The following GFPT1 variants were observed in gnomAD, a reference collection of about 807,000 sequenced individuals.
The protein encoded by GFPT1 is glutamine--fructose-6-phosphate aminotransferase [isomerizing] 1.
In GFPT1, 40 loss-of-function variants were observed where a neutral mutation model predicts 92.0. The observed-to-expected ratio is 0.43, with a 90% CI of 0.34 to 0.57. The LOEUF is 0.57. Ranked by LOEUF, GFPT1 falls within the 20% of genes least tolerant of loss-of-function variation. The probability of loss-of-function intolerance (pLI) is 0.02; values close to 1 mark genes in which losing one functional copy is unlikely to be tolerated. For missense variants in GFPT1, 448 were observed against 869.1 expected (o/e 0.52, Z 6.09); for synonymous variants, 269 against 280.6 (o/e 0.96, Z 0.41).
At chr2:69,375,032 T>C (rs772169299) in intron 1 of GFPT1, among the ~76,000 whole-genome samples, 38 of 151,936 alleles carry the variant, frequency 2.5e-4, no homozygotes, top group Non-Finnish European at 5.0e-4. Flanking sequence ...AAAACAAAAC[T>C]AGAAATCAAA....
chr2:69,362,921 A>G (rs1306827457), intron 4 of GFPT1, among the ~76,000 whole-genome samples: 1 of 152,202 alleles, frequency 6.6e-6, no homozygotes, highest in African/African-American at 2.4e-5. Flanking sequence ...ATACATTTCT[A>G]GAGAGATATG....
intron 1 of GFPT1, among the ~76,000 whole-genome samples, chr2:69,374,604 C>T (rs557981071): frequency 1.3e-5 from 2 of 152,264 alleles, no homozygotes; most frequent in African/African-American, 4.8e-5. Context: ...TGAGCCACTG[C>T]ACCTGGCAAA....
chr2:69,377,826 G>C (rs749758756), intron 1 of GFPT1, among the ~76,000 whole-genome samples: 5 of 152,170 alleles, frequency 3.3e-5, no homozygotes, highest in Non-Finnish European at 5.9e-5. Flanking sequence ...TCCACCTGCG[G>C]GGATACCGGG....
chr2:69,333,260 T>C (rs1670716102), intron 15 of GFPT1, among the ~76,000 whole-genome samples: 1 of 152,220 alleles, frequency 6.6e-6, no homozygotes, highest in African/African-American at 2.4e-5. Context: ...GATCAGATAA[T>C]GAGTATTCCA....
chr2:69,377,207 C>CAA (rs59023245), intron 1 of GFPT1, among the ~76,000 whole-genome samples: 3,559 of 83,924 alleles, frequency 0.042, 186 homozygotes, highest in African/African-American at 0.084. Context: ...GACTCCGTCT[C>CAA]AAAAAAAAAA....
intron 3 of GFPT1, among the ~76,000 whole-genome samples, chr2:69,368,055 C>A (rs1671652724): frequency 6.6e-6 from 1 of 152,170 alleles, no homozygotes. Context: ...TCAAGACCAG[C>A]CTGGCCAACA....
chr2:69,348,099 A>G, intron 11 of GFPT1, 72 bp downstream of exon 11: 1 of 1,163,326 alleles, frequency 8.6e-7, no homozygotes, highest in Non-Finnish European at 1.3e-6. Context: ...TAGATTTAAT[A>G]TGCTAGGAAA....
intron 7 of GFPT1, 69 bp downstream of exon 7, chr2:69,356,427 G>A (rs1349047661): frequency 1.9e-6 from 2 of 1,048,032 alleles, no homozygotes; most frequent in Non-Finnish European, 3.0e-6. Context: ...GTCATGTATA[G>A]TCTACGAAGA....
chr2:69,353,231 AC>A (rs1671255783), intron 9 of GFPT1, among the ~76,000 whole-genome samples: 1 of 152,020 alleles, frequency 6.6e-6, no homozygotes, highest in Admixed American at 6.6e-5. Flanking sequence ...CTCCATTTGT[AC>A]AAAAAATTTA....
intron 6 of GFPT1, among the ~76,000 whole-genome samples, chr2:69,357,504 G>A (rs151268227): frequency 2.6e-5 from 4 of 152,280 alleles, no homozygotes; most frequent in Non-Finnish European, 5.9e-5. Flanking sequence ...ACGAGAAAAG[G>A]CTGGGAAGGC....
rs531190632 is a variant in GFPT1, at chr2:69,386,215, T to A, written c.7+850A>T. ...TAACACTTAGGTCATAATAAACGAC[T>A]CTCAAAACATGGAATAAAAGGGCCT... is the stretch of plus-strand genomic sequence containing the variant. On this transcript the variant is annotated intron_variant, in intron 1 of 19. Transcript: ENST00000357308. Among the ~76,000 whole-genome samples, 10 of 152,304 alleles carry A rather than the reference T, an allele frequency of 6.6e-5. No individual in the cohort carries two copies. The East Asian group carries it at 1.9e-3, about 29-fold the overall frequency.
In GFPT1 at chr2:69,370,023, C is replaced by T; in HGVS notation, c.201G>A (p.Lys67=). 3.1e-6 allele frequency: 5 copies of T among 1,596,458 alleles called. No homozygotes were observed. Among genetic ancestry groups the T allele is most frequent in the Non-Finnish European group, 4.3e-6 (5 of 1,163,912 alleles). Residue 67 remains lysine, a synonymous_variant, in exon 3 of 20, where the codon AAG becomes AAA. Coordinates refer to ENST00000357308, the MANE Select transcript of GFPT1 (RefSeq NM_001244710.2). ...TACTGTGAACTTCTTCATCCAGTGC[C>T]TTAACTTTTCCTTTCTTCTTAATAA... ...IQLIKKKGKV[K]ALDEEVHKQQ... is the part of the protein sequence containing the mutation.
intron 15 of GFPT1, among the ~76,000 whole-genome samples, 174 bp from the exon 16 acceptor site, chr2:69,329,972 C>T (rs1177571096): frequency 2.0e-5 from 3 of 152,214 alleles, no homozygotes; most frequent in African/African-American, 7.2e-5. Context: ...AATCTCAGCA[C>T]TTTGGAAGGC....
rs1670455579 is a variant in GFPT1 at position 69,323,234 on chromosome 2, T to A, written c.*2955A>T. 1 of 152,182 alleles carries A rather than the reference T, an allele frequency of 6.6e-6. No homozygotes were observed. Among genetic ancestry groups the A allele is most frequent in the Non-Finnish European group, 1.5e-5 (1 of 68,036 alleles). 9.4% of individuals were successfully genotyped at this position (152,182 alleles called of 1,614,324 possible). ...CTGCCTAAAAAGGGCTCAAAGGAAC[T>A]CTCAGTTATACATGAGTGAATTAAA... is the stretch of plus-strand genomic sequence containing the variant. On this transcript the variant is annotated 3_prime_UTR_variant, in exon 20 of 20. Transcript: ENST00000357308.
chr2:69,351,508 T>C, intron 9 of GFPT1, among the ~76,000 whole-genome samples: 1 of 152,238 alleles, frequency 6.6e-6, no homozygotes, highest in East Asian at 1.9e-4. Context: ...GCAGACTTGA[T>C]AATTATCAGA....
chr2:69,363,543 A>G lies in GFPT1; in HGVS notation c.349+2T>C, dbSNP rs761032486. 1 of 1,613,924 alleles carries G rather than the reference A, an allele frequency of 6.2e-7. No individual in the cohort carries two copies. The highest frequency in any genetic ancestry group is 8.5e-7 in the Non-Finnish European group (1 of 1,179,838). ...TCCAAAGCACAAAAAATCTTTCCAT[A>G]CCATTATTTTTATCAGAGCGCTGGG... On this transcript the variant is annotated splice_donor_variant, in intron 4 of 19. Transcript: ENST00000357308. LOFTEE classifies it high-confidence loss of function.
chr2:69,349,049 CTCAGT>C (rs1671149839), intron 10 of GFPT1, among the ~76,000 whole-genome samples: 1 of 152,170 alleles, frequency 6.6e-6, no homozygotes, highest in Non-Finnish European at 1.5e-5. Flanking sequence ...CTCCTTAACT[CTCAGT>C]TCAAACATCA....
intron 1 of GFPT1, among the ~76,000 whole-genome samples, chr2:69,377,422 G>C (rs374590448): frequency 6.6e-6 from 1 of 151,224 alleles, no homozygotes; most frequent in Non-Finnish European, 1.5e-5. Flanking sequence ...AGGCCGAGGC[G>C]GGCGGATCAC....
At chr2:69,366,559 A>G (rs1475366049) in intron 3 of GFPT1, among the ~76,000 whole-genome samples, 1 of 152,252 alleles carries the variant, frequency 6.6e-6, no homozygotes, top group Non-Finnish European at 1.5e-5. Flanking sequence ...CCTAAGAAAC[A>G]TGTATCCAAG....
Sources: gnomAD v4.1 joint callset for allele counts (sites outside exome capture counted in the v4.1 genomes callset) on GRCh38, gnomAD v4.1.1 for gene constraint, MANE v1.5 for transcripts, NCBI Gene and HGNC (gene_info 2026-07-23, HGNC 2026-07-21) for gene names.